ACSS1: variants seen among roughly 807,000 people sequenced by gnomAD.
The protein encoded by ACSS1 is acyl-CoA synthetase short chain family member 1.
In ACSS1, 42 loss-of-function variants were observed where a neutral mutation model predicts 75.3. The ratio of observed to expected loss-of-function variants is 0.56; its 90% CI spans 0.44 to 0.72. The LOEUF (loss-of-function observed/expected upper bound fraction) is 0.72, where lower values mean the gene tolerates loss of function less well. ACSS1 is among the 30% of genes least tolerant of loss of function. The probability of loss-of-function intolerance (pLI) is 0.00; values close to 1 mark genes in which losing one functional copy is unlikely to be tolerated. For synonymous variants in ACSS1, 380 were observed against 376.8 expected (o/e 1.01, Z -0.10); for missense variants, 782 against 935.7 (o/e 0.84, Z 2.14).
chr20:25,048,297 C>CA, intron 1 of ACSS1, 116 bp from the exon 2 acceptor site: 1 of 777,856 alleles, frequency 1.3e-6, no homozygotes, highest in Admixed American at 2.2e-5. Context: ...CTTCCACTGA[C>CA]AGAGACCCTG....
chr20:25,012,197 G>A (rs537214392), intron 12 of ACSS1: 27 of 274,614 alleles, frequency 9.8e-5, no homozygotes, highest in Non-Finnish European at 1.6e-4. Flanking sequence ...CACGCGTGGC[G>A]GCTGCAGAGC....
intron 2 of ACSS1, among the ~76,000 whole-genome samples, chr20:25,044,278 C>A (rs1373760374): frequency 6.6e-6 from 1 of 152,174 alleles, no homozygotes; most frequent in Non-Finnish European, 1.5e-5. Context: ...ACATGGCCAC[C>A]CCCCAGGGTC....
chr20:25,021,335 G>A, intron 6 of ACSS1, 54 bp downstream of exon 6: 5 of 1,592,260 alleles, frequency 3.1e-6, no homozygotes, highest in Non-Finnish European at 4.3e-6. Context: ...TCGAGCCTCA[G>A]GCTCTCTCCC....
intron 2 of ACSS1, among the ~76,000 whole-genome samples, chr20:25,031,966 T>C (rs924185017): frequency 3.3e-5 from 5 of 152,164 alleles, no homozygotes; most frequent in African/African-American, 9.6e-5. Flanking sequence ...ACTCCAGCTC[T>C]GCAAAGCCAC....
chr20:25,058,006 C>A lies in ACSS1; in HGVS notation c.97G>T (p.Ala33Ser), dbSNP rs1359230093. 1.4e-5 allele frequency: 21 copies of A among 1,462,804 alleles called. No individual in the cohort carries two copies. Among genetic ancestry groups the A allele is most frequent in the Non-Finnish European group, 1.8e-5 (20 of 1,108,958 alleles). The allele number at this position is 1,462,804 out of a possible 1,614,324, so 90.6% of individuals were successfully genotyped here. A position where few individuals can be genotyped will look rare whatever the true frequency, so the allele number is the denominator to read the frequency against. ...QPARPPCGVSAPRRAASGPSG... is the reference protein window; with the variant it reads ...QPARPPCGVSSPRRAASGPSG... The stretch of plus-strand genomic sequence containing the variant: ...GGTCCCGAGGCCGCCCTGCGCGGCG[C>A]GCTCACCCCGCACGGCGGCCGCGCG... Residue 33 changes from alanine (A) to serine (S), a missense_variant, in exon 1 of 14, where the codon GCG becomes TCG. Transcript: ENST00000323482.
chr20:25,018,346 A>G lies in ACSS1; in HGVS notation c.1246+1664T>C, dbSNP rs896411649. ...CAGCCTCCAGAAATGTGAACCAATA[A>G]ATTTCTGTTCATTATAAATCACCCA... On this transcript the variant is annotated intron_variant, in intron 7 of 13. Transcript: ENST00000323482. Among the ~76,000 whole-genome samples, 3 of 152,184 alleles carry G rather than the reference A, an allele frequency of 2.0e-5. No homozygotes were observed. In the East Asian group the frequency reaches 5.8e-4, roughly 29 times the overall value.
At chr20:25,032,295 C>G (rs1316387506) in intron 2 of ACSS1, 1 of 1,240,480 alleles carries the variant, frequency 8.1e-7, no homozygotes, top group Non-Finnish European at 1.0e-6. Context: ...GACACGTGAC[C>G]CAACCTGGTC....
At chr20:25,054,766 G>T (rs994500636) in intron 1 of ACSS1, among the ~76,000 whole-genome samples, 4 of 152,220 alleles carry the variant, frequency 2.6e-5, no homozygotes, top group Non-Finnish European at 4.4e-5. Flanking sequence ...TGTATAGGAG[G>T]CCACTGGTCT....
intron 2 of ACSS1, among the ~76,000 whole-genome samples, chr20:25,041,883 GACTTTGAGGGTTTGGTCACC>G: frequency 6.6e-6 from 1 of 152,312 alleles, no homozygotes; most frequent in Admixed American, 6.5e-5. Context: ...ACACTGGAGT[GACTTTGAGGGTTTGGTCACC>G]TGCATGAGGA....
At chr20:25,044,152 C>T (rs1455067376) in intron 2 of ACSS1, among the ~76,000 whole-genome samples, 2 of 151,830 alleles carry the variant, frequency 1.3e-5, no homozygotes, top group African/African-American at 4.8e-5. Flanking sequence ...GGCCCAGACC[C>T]CAGGCTCCAG....
At chr20:25,031,421 T>C (rs1242610613) in intron 2 of ACSS1, among the ~76,000 whole-genome samples, 5 of 152,226 alleles carry the variant, frequency 3.3e-5, no homozygotes, top group African/African-American at 1.2e-4. Flanking sequence ...TTGCATAATA[T>C]ATGCTTTTAA....
In ACSS1 at chr20:25,006,989, A is replaced by T; in HGVS notation, c.*773T>A. The T allele has an allele frequency of 6.5e-7, 1 of 1,534,090 alleles. No homozygotes were observed. The highest frequency in any genetic ancestry group is 2.0e-5 in the Admixed American group (1 of 50,898). On this transcript the variant is annotated 3_prime_UTR_variant, in exon 14 of 14. Transcript: ENST00000323482. ...ATCTTTCTGGATCACAGCTTGAAGA[A>T]ACAGAACATAACTGGAGTAGCTTCA...
chr20:25,032,679 T>C (rs1945852989), intron 2 of ACSS1: 1 of 1,200,068 alleles, frequency 8.3e-7, no homozygotes, highest in Non-Finnish European at 1.0e-6. Context: ...AGCTCTCCTC[T>C]GTTCAAAGGG....
intron 7 of ACSS1, among the ~76,000 whole-genome samples, chr20:25,019,416 C>T (rs1331995653): frequency 6.6e-6 from 1 of 152,250 alleles, no homozygotes; most frequent in African/African-American, 2.4e-5. Context: ...GAAATGTCTA[C>T]AGTAACAGCA....
chr20:25,017,125 G>A lies in ACSS1; in HGVS notation c.1247-1895C>T, dbSNP rs369015950. On this transcript the variant is annotated intron_variant, in intron 7 of 13. Transcript: ENST00000323482. ...TCCCATCTCAGCCTCCCAAGTAGCC[G>A]AGGGACTACAGGCACGTACCACCAC... Among the ~76,000 whole-genome samples the A allele has an allele frequency of 7.9e-5, 12 of 152,180 alleles. No individual in the cohort carries two copies. The South Asian group carries it at 1.9e-3, about 24-fold the overall frequency.
Position 25,013,575 on chromosome 20 carries a change from G to T in ACSS1, c.1540C>A (p.His514Asn). ...AAGTAGGCGTCCACAAATCGCTGGT[G>T]GTCGCCATAGATGGTCCTGGCCATG... ...PGMARTIYGD[H>N]QRFVDAYFKA... Residue 514 changes from histidine (H) to asparagine (N), a missense_variant, in exon 10 of 14, where the codon CAC (histidine) becomes AAC (asparagine). Around this residue, in one of 2 missense-constraint regions of ACSS1, gnomAD observed 405 missense variants for 552.6 expected, o/e 0.73. Transcript: ENST00000323482. 2 of 1,607,484 alleles carry T rather than the reference G, an allele frequency of 1.2e-6. No individual in the cohort carries two copies. The highest frequency in any genetic ancestry group is 1.7e-6 in the Non-Finnish European group (2 of 1,174,738).
intron 2 of ACSS1, among the ~76,000 whole-genome samples, chr20:25,035,194 C>T (rs565716143): frequency 2.6e-5 from 4 of 152,016 alleles, no homozygotes; most frequent in African/African-American, 4.8e-5. Context: ...CGCACCCGGC[C>T]GACCATATGC....
intron 2 of ACSS1, among the ~76,000 whole-genome samples, chr20:25,035,677 T>TA (rs2088898714): frequency 6.6e-6 from 1 of 152,230 alleles, no homozygotes; most frequent in African/African-American, 2.4e-5. Context: ...GTGCTGGAAT[T>TA]ACAGGCATGA....
chr20:25,044,669 A>G (rs1209934335), intron 2 of ACSS1, among the ~76,000 whole-genome samples: 1 of 152,266 alleles, frequency 6.6e-6, no homozygotes, highest in African/African-American at 2.4e-5. Context: ...AAGTGCAGGT[A>G]AACAGCCAGA....
Sources: gnomAD v4.1 joint callset for allele counts (sites outside exome capture counted in the v4.1 genomes callset) on GRCh38, gnomAD v4.1.1 for gene constraint, gnomAD v4.1.1 regional missense constraint, MANE v1.5 for transcripts, NCBI Gene and HGNC (gene_info 2026-07-23, HGNC 2026-07-21) for gene names.